The following ZNF700 variants were observed in gnomAD, a reference collection of about 807,000 sequenced individuals.
The protein encoded by ZNF700 is zinc finger protein 700.
ZNF700 carries 38 observed loss-of-function variants against 65.3 expected under a neutral mutation model. That is an observed-to-expected ratio of 0.58 (90% CI 0.45 to 0.76). The LOEUF (loss-of-function observed/expected upper bound fraction) is 0.76, where lower values mean the gene tolerates loss of function less well. Among genes scored for constraint, ZNF700 ranks in the 30% least tolerant of loss-of-function variants. ZNF700 has a pLI of 0.00. For synonymous variants in ZNF700, 285 were observed against 290.4 expected (o/e 0.98, Z 0.19); for missense variants, 857 against 888.4 (o/e 0.96, Z 0.45).
intron 1 of ZNF700, among the ~76,000 whole-genome samples, chr19:11,933,147 G>A (rs914257666): frequency 1.4e-5 from 2 of 147,216 alleles, no homozygotes; most frequent in Non-Finnish European, 2.9e-5. Context: ...GCCAGGTGCT[G>A]TGCCTCATAC....
chr19:11,948,554 A>G lies in ZNF700; in HGVS notation c.530A>G (p.Tyr177Cys). The G allele has an allele frequency of 6.2e-7, 1 of 1,609,722 alleles. No individual in the cohort carries two copies. Among genetic ancestry groups the G allele is most frequent in the Non-Finnish European group, 8.5e-7 (1 of 1,179,058 alleles). The change falls in exon 4 of 4, where the codon TAT becomes TGT. Residue 177 changes from tyrosine (Y) to cysteine (C), a missense_variant. By Grantham distance (194) the Tyr-to-Cys change is radical (BLOSUM62 -2). Around this residue, in one of 3 missense-constraint regions of ZNF700, gnomAD observed 603 missense variants for 619.9 expected, o/e 0.97. Coordinates refer to ENST00000254321, the MANE Select transcript of ZNF700 (RefSeq NM_144566.3). ...CCTAAAAATAAGAAAGCCTTCAGGT[A>G]TCGCCCATCCATTAGAACACAAGAA... ...QQPKNKKAFR[Y>C]RPSIRTQERD...
rs939690048 is a variant in ZNF700 at position 11,925,158 on chromosome 19, C to G, written c.-53C>G. On this transcript the variant is annotated 5_prime_UTR_variant, in exon 1 of 4. Transcript: ENST00000254321. Reference sequence around the variant, plus strand: ...CGGTTGGTAACCGGTCAGACCAGCCCGAGAGGGACCTGGTGCCTGTACCCA... The same window carrying G: ...CGGTTGGTAACCGGTCAGACCAGCCGGAGAGGGACCTGGTGCCTGTACCCA... 6 of 1,604,116 alleles carry G rather than the reference C, an allele frequency of 3.7e-6. No homozygotes were observed. The highest frequency in any genetic ancestry group is 4.3e-6 in the Non-Finnish European group (5 of 1,173,230).
rs1274146291 is a variant in ZNF700, at chr19:11,930,114, G to A, written c.63+4841G>A. On this transcript the variant is annotated intron_variant, in intron 1 of 3. Transcript: ENST00000254321. ...CCAAGGGAGCAGCTGAATGACTAGT[G>A]GTGGAGGAGATGCCTGGTATACTTT... Among the ~76,000 whole-genome samples, 2 of 148,200 alleles carry A rather than the reference G, an allele frequency of 1.3e-5. 1 individual carries two copies. Among genetic ancestry groups the A allele is most frequent in the Non-Finnish European group, 2.9e-5 (2 of 67,932 alleles).
chr19:11,934,822 G>A lies in ZNF700; in HGVS notation c.63+9549G>A, dbSNP rs1172406947. On this transcript the variant is annotated intron_variant, in intron 1 of 3. Coordinates refer to ENST00000254321, the MANE Select transcript of ZNF700 (RefSeq NM_144566.3). ...ATTACAGGCGTGAGCCACTGCGCCCGGCCTGTTTTCATTTCGCTCTTTAAT... is the reference window on the plus strand; with the variant it reads ...ATTACAGGCGTGAGCCACTGCGCCCAGCCTGTTTTCATTTCGCTCTTTAAT... Among the ~76,000 whole-genome samples, 6 of 147,668 alleles carry A rather than the reference G, an allele frequency of 4.1e-5. 1 individual carries two copies. The highest frequency in any genetic ancestry group is 4.2e-4 in the South Asian group (2 of 4,778).
chr19:11,943,977 C>T (rs1409168553), intron 1 of ZNF700, among the ~76,000 whole-genome samples: 1 of 151,970 alleles, frequency 6.6e-6, no homozygotes, highest in Non-Finnish European at 1.5e-5. Context: ...TTTTACATGA[C>T]TGTGGTGGAT....
Position 11,948,676 on chromosome 19 carries a change from G to C in ZNF700, c.652G>C (p.Gly218Arg). Residue 218 changes from glycine (G) to arginine (R), a missense_variant, in exon 4 of 4, where the codon GGG becomes CGG. Gly to Arg is a moderately radical substitution (Grantham distance 125). Coordinates refer to ENST00000254321, the MANE Select transcript of ZNF700 (RefSeq NM_144566.3). ...SIRRHMVMHS[G>R]DGTYKCKFCG... ...TCGAAGACACATGGTAATGCACAGTGGGGATGGAACTTATAAATGTAAATT... is the reference window on the plus strand; with the variant it reads ...TCGAAGACACATGGTAATGCACAGTCGGGATGGAACTTATAAATGTAAATT... 1 of 1,612,298 alleles carries C rather than the reference G, an allele frequency of 6.2e-7. No homozygotes were observed. Among genetic ancestry groups the C allele is most frequent in the Non-Finnish European group, 8.5e-7 (1 of 1,179,612 alleles).
chr19:11,944,843 C>T (rs1223587633), intron 1 of ZNF700, among the ~76,000 whole-genome samples: 3 of 152,182 alleles, frequency 2.0e-5, no homozygotes, highest in Admixed American at 6.5e-5. Context: ...GTAGAAGTAC[C>T]GGCTTAACAA....
At chr19:11,939,295 C>A (rs1336559232) in intron 1 of ZNF700, among the ~76,000 whole-genome samples, 2 of 152,180 alleles carry the variant, frequency 1.3e-5, no homozygotes, top group Non-Finnish European at 2.9e-5. Context: ...TGATGAAGTC[C>A]TTGCCCATGC....
rs144505058 is a variant in ZNF700, at chr19:11,947,568, G to T, written c.245G>T (p.Ser82Ile). The T allele has an allele frequency of 6.2e-7, 1 of 1,613,228 alleles. No homozygotes were observed. Among genetic ancestry groups the T allele is most frequent in the Admixed American group, 1.7e-5 (1 of 59,844 alleles). ...TATGAGTACCAAAACCCCAGAAGAA[G>T]CTTCAGGTAATTTGCATTTCCAAGA... The part of the protein sequence containing the change: ...IEYEYQNPRR[S>I]FRSLIEEKVN... The change falls in exon 3 of 4, where the codon AGC (serine) becomes ATC (isoleucine). Residue 82 changes from serine to isoleucine, a missense_variant. By Grantham distance (142) the Ser-to-Ile change is moderately radical. Coordinates refer to ENST00000254321, the MANE Select transcript of ZNF700 (RefSeq NM_144566.3).
intron 1 of ZNF700, among the ~76,000 whole-genome samples, chr19:11,941,342 AG>A (rs1972879892): frequency 6.6e-6 from 1 of 152,214 alleles, no homozygotes; most frequent in Non-Finnish European, 1.5e-5. Context: ...GCTGTGGAGC[AG>A]GGGGCGGCGC....
At chr19:11,925,745 T>A (rs1972617027) in intron 1 of ZNF700, among the ~76,000 whole-genome samples, 1 of 152,134 alleles carries the variant, frequency 6.6e-6, no homozygotes, top group South Asian at 2.1e-4. Flanking sequence ...AAACACCCCG[T>A]CCTGGGTTGT....
Position 11,950,581 on chromosome 19 carries a change from G to A in ZNF700, c.*328G>A, listed in dbSNP as rs557326783. 1.8e-5 allele frequency: 9 copies of A among 498,866 alleles called. No individual in the cohort carries two copies. The highest frequency in any genetic ancestry group is 9.3e-5 in the East Asian group (2 of 21,554). 30.9% of individuals were successfully genotyped at this position (498,866 alleles called of 1,614,324 possible). A position where few individuals can be genotyped will look rare whatever the true frequency, so the allele number is the denominator to read the frequency against. On this transcript the variant is annotated 3_prime_UTR_variant, in exon 4 of 4. Transcript: ENST00000254321. The stretch of plus-strand genomic sequence containing the variant: ...TTCAGATGTGCCTCGCACCTTCAAC[G>A]GCATGGAAGGGTTCACACTTGGGAG...
At position 11,948,284 on chromosome 19, in the gene ZNF700, TAGAAG is replaced by T. The variant is rs776588599; in HGVS notation, c.265_269del (p.Glu89SerfsTer3). 1 of 1,612,920 alleles carries T rather than the reference TAGAAG, an allele frequency of 6.2e-7. No homozygotes were observed. Among genetic ancestry groups the T allele is most frequent in the Non-Finnish European group, 8.5e-7 (1 of 1,179,658 alleles). ...TTTCTCATGTTTTACAGGAGTCTCA[TAGAAG>T]AGAAAGTCAATGAAATTAAAGAAGA... On this transcript the variant is annotated frameshift_variant, in exon 4 of 4. Coordinates refer to ENST00000254321, the MANE Select transcript of ZNF700 (RefSeq NM_144566.3). LOFTEE classifies it high-confidence loss of function.
At chr19:11,940,290 T>C (rs1256494641) in intron 1 of ZNF700, among the ~76,000 whole-genome samples, 11 of 152,326 alleles carry the variant, frequency 7.2e-5, no homozygotes, top group Non-Finnish European at 1.0e-4. Flanking sequence ...ATTGGTGGGT[T>C]CTTGGTGTCA....
chr19:11,934,839 C>A (rs1477872351), intron 1 of ZNF700, among the ~76,000 whole-genome samples: 1 of 147,486 alleles, frequency 6.8e-6, no homozygotes, highest in African/African-American at 2.7e-5. Flanking sequence ...TTTCATTTCG[C>A]TCTTTAATGA....
chr19:11,930,718 A>G (rs1048627720), intron 1 of ZNF700, among the ~76,000 whole-genome samples: 1 of 148,304 alleles, frequency 6.7e-6, no homozygotes, highest in African/African-American at 2.6e-5. Flanking sequence ...ATAGATGCCC[A>G]GACTGGGTGT....
intron 1 of ZNF700, among the ~76,000 whole-genome samples, chr19:11,946,321 C>T (rs1188772586): frequency 6.6e-6 from 1 of 152,148 alleles, no homozygotes; most frequent in Admixed American, 6.5e-5. Context: ...GGCACAGGTG[C>T]TGTGGGCTCA....
In ZNF700 at chr19:11,950,080, A is replaced by C. The variant is rs747903609; in HGVS notation, c.2056A>C (p.Thr686Pro). The C allele has an allele frequency of 6.2e-7, 1 of 1,614,118 alleles. No homozygotes were observed. The highest frequency in any genetic ancestry group is 1.3e-5 in the African/African-American group (1 of 74,950). ...ATGTAAGCATTGTGGGAATGGATTCACATCTGCCAAGATTCTTCAAATACA... is the reference window on the plus strand; with the variant it reads ...ATGTAAGCATTGTGGGAATGGATTCCCATCTGCCAAGATTCTTCAAATACA... ...YECKHCGNGF[T>P]SAKILQIHAR... The change falls in exon 4 of 4, where the codon ACA becomes CCA. Residue 686 changes from threonine (T) to proline (P), a missense_variant. Thr to Pro is a conservative substitution (Grantham distance 38). This residue lies in a region of ZNF700 where 251 missense variants were observed against 250.3 expected (regional missense o/e 1.00). Transcript: ENST00000254321.
chr19:11,937,125 T>A (rs1263874007), intron 1 of ZNF700, among the ~76,000 whole-genome samples: 1 of 152,196 alleles, frequency 6.6e-6, no homozygotes, highest in African/African-American at 2.4e-5. Flanking sequence ...GATCATGCTT[T>A]TTGTGTTGTG....
Sources: allele counts gnomAD v4.1 joint callset (sites outside exome capture counted in the v4.1 genomes callset), GRCh38; gene constraint gnomAD v4.1.1; regional missense constraint gnomAD v4.1.1; transcripts MANE v1.5; gene names NCBI Gene and HGNC (gene_info 2026-07-23, HGNC 2026-07-21).